ZMYM2: variants seen among roughly 807,000 people sequenced by gnomAD.
The protein encoded by ZMYM2 is zinc finger MYM-type protein 2.
ZMYM2 carries 56 observed loss-of-function variants against 162.8 expected under a neutral mutation model. That is an observed-to-expected ratio of 0.34 (90% CI 0.28 to 0.43). The LOEUF is 0.43. Ranked by LOEUF, ZMYM2 falls within the 20% of genes least tolerant of loss-of-function variation. The pLI, the probability that ZMYM2 is intolerant of heterozygous loss-of-function variation, is 1.00. For missense variants in ZMYM2, 1,275 were observed against 1,621.8 expected, an observed-to-expected ratio of 0.79 and a Z score of 3.67; for synonymous variants, 510 against 541.6, an observed-to-expected ratio of 0.94 and a Z score of 0.81.
At chr13:19,891,455 GT>G in the ZMYM2 span, among the ~76,000 whole-genome samples, 5,151 of 144,150 alleles carry the variant, frequency 0.036, 153 homozygotes, top group African/African-American at 0.061. Flanking sequence ...CCGTGTGACA[GT>G]TTTTTTTTTT....
the ZMYM2 span, among the ~76,000 whole-genome samples, chr13:19,905,075 G>C: frequency 2.0e-5 from 3 of 146,884 alleles, no homozygotes; most frequent in Non-Finnish European, 4.4e-5. Context: ...GCAGTGGCAC[G>C]ATCTCGGCTC....
At chr13:19,872,449 C>T in the ZMYM2 span, among the ~76,000 whole-genome samples, 171 of 152,120 alleles carry the variant, frequency 1.1e-3, 1 homozygote, top group Middle Eastern at 6.8e-3. Context: ...ACTTGGGAGG[C>T]TGAGGCAAGA....
At position 20,062,833 on chromosome 13, in the gene ZMYM2, G is replaced by A; in HGVS notation, c.2912-13G>A. 6.4e-7 allele frequency: 1 copy of A among 1,550,568 alleles called. No individual in the cohort carries two copies. The highest frequency in any genetic ancestry group is 8.7e-7 in the Non-Finnish European group (1 of 1,145,744). ...CTGTTTTGATTCCTAATGATAATAT[G>A]GATTGATTTCAGGTGTAATTATTGA... On this transcript the variant is annotated splice_polypyrimidine_tract_variant and intron_variant, in intron 17 of 24. Transcript: ENST00000610343.
At chr13:20,042,170 C>G (rs945758560) in intron 12 of ZMYM2, among the ~76,000 whole-genome samples, 1 of 152,156 alleles carries the variant, frequency 6.6e-6, no homozygotes, top group Non-Finnish European at 1.5e-5. Context: ...TGCTTATACT[C>G]TCCCCATCTC....
chr13:20,083,064 T>C (rs774942348), intron 23 of ZMYM2, 32 bp downstream of exon 23: 73 of 1,500,788 alleles, frequency 4.9e-5, no homozygotes, highest in Non-Finnish European at 6.3e-5. Context: ...TTTATTTTTA[T>C]TTTTAAATTT....
At chr13:19,885,097 A>G in the ZMYM2 span, among the ~76,000 whole-genome samples, 1 of 152,118 alleles carries the variant, frequency 6.6e-6, no homozygotes, top group African/African-American at 2.4e-5. Context: ...AAAGTTCTCC[A>G]AGTCCCCACC....
chr13:20,011,161 G>C (rs138994605), intron 6 of ZMYM2, among the ~76,000 whole-genome samples: 28 of 152,124 alleles, frequency 1.8e-4, no homozygotes, highest in Admixed American at 1.8e-3. Flanking sequence ...TAGTGCTATG[G>C]AACAATAGAA....
upstream of ZMYM2, among the ~76,000 whole-genome samples, chr13:19,958,517 GA>G (rs1238830271): frequency 5.3e-5 from 8 of 152,098 alleles, no homozygotes; most frequent in African/African-American, 1.9e-4. Context: ...AGGGCCGGCG[GA>G]GGCGGGAGTG....
At chr13:20,050,936 T>C (rs1489022327) in intron 12 of ZMYM2, among the ~76,000 whole-genome samples, 1 of 152,092 alleles carries the variant, frequency 6.6e-6, no homozygotes, top group Non-Finnish European at 1.5e-5. Context: ...TATTAAAGCT[T>C]TTCAAATTTA....
At chr13:20,024,615 T>C (rs572239286) in intron 7 of ZMYM2, 1 of 224,458 alleles carries the variant, frequency 4.5e-6, no homozygotes, top group Non-Finnish European at 8.9e-6. Flanking sequence ...TTAAACATTT[T>C]ATATTCTGTT....
the ZMYM2 span, among the ~76,000 whole-genome samples, chr13:19,876,158 C>A: frequency 1.3e-5 from 2 of 151,956 alleles, no homozygotes; most frequent in East Asian, 3.9e-4. Flanking sequence ...TCCCGAGTAG[C>A]TGGGATTACA....
intron 2 of ZMYM2, among the ~76,000 whole-genome samples, chr13:19,981,575 T>G (rs1957330041): frequency 6.6e-6 from 1 of 152,204 alleles, no homozygotes; most frequent in Non-Finnish European, 1.5e-5. Flanking sequence ...TGGGAAATGG[T>G]ATTTTCATCT....
chr13:19,955,523 A>G (rs916287749), upstream of ZMYM2, among the ~76,000 whole-genome samples: 1 of 152,220 alleles, frequency 6.6e-6, no homozygotes, highest in Admixed American at 6.5e-5. Flanking sequence ...GCTCAGAGTC[A>G]GTTTTACTAC....
chr13:19,866,237 A>G, the ZMYM2 span, among the ~76,000 whole-genome samples: 1 of 100,888 alleles, frequency 9.9e-6, no homozygotes, highest in Non-Finnish European at 2.5e-5. Context: ...AAGAAAAACA[A>G]AAAACAAGCA....
At chr13:19,883,516 T>C in the ZMYM2 span, among the ~76,000 whole-genome samples, 4 of 150,616 alleles carry the variant, frequency 2.7e-5, no homozygotes, top group African/African-American at 9.9e-5. Context: ...AGCACATTCA[T>C]AGTTGTGAGA....
intron 2 of ZMYM2, among the ~76,000 whole-genome samples, chr13:19,989,158 A>G (rs1594207076): frequency 6.6e-6 from 1 of 152,156 alleles, no homozygotes; most frequent in Non-Finnish European, 1.5e-5. Context: ...AATATCGTAT[A>G]TATAGGTTTT....
intron 5 of ZMYM2, among the ~76,000 whole-genome samples, chr13:20,006,072 A>G (rs989843073): frequency 2.6e-5 from 4 of 152,008 alleles, no homozygotes; most frequent in Non-Finnish European, 4.4e-5. Context: ...TCCCTACCTA[A>G]AAGAAAAAAC....
At chr13:20,052,623 A>G (rs942555243) in intron 14 of ZMYM2, among the ~76,000 whole-genome samples, 1 of 152,318 alleles carries the variant, frequency 6.6e-6, no homozygotes, top group East Asian at 1.9e-4. Context: ...AATTAAGACA[A>G]TGGCAATAGT....
At chr13:19,907,945 A>C in the ZMYM2 span, among the ~76,000 whole-genome samples, 1 of 152,066 alleles carries the variant, frequency 6.6e-6, no homozygotes, top group Admixed American at 6.6e-5. Context: ...CTCTTTCTTC[A>C]CACTTGATTT....
Sources: gnomAD v4.1 joint callset for allele counts (sites outside exome capture counted in the v4.1 genomes callset) on GRCh38, gnomAD v4.1.1 for gene constraint, MANE v1.5 for transcripts, NCBI Gene and HGNC (gene_info 2026-07-23, HGNC 2026-07-21) for gene names.